The following COMMD9 variants were observed in gnomAD, a reference collection of about 807,000 sequenced individuals.
COMMD9 encodes COMM domain-containing protein 9.
A neutral mutation model predicts 23.4 loss-of-function variants in COMMD9; 22 were observed. That is an observed-to-expected ratio of 0.94 (90% CI 0.67 to 1.34). The LOEUF is 1.34. Ranked by LOEUF, COMMD9 falls within the 40% of genes most tolerant of loss-of-function variation. The probability of loss-of-function intolerance (pLI) is 0.00; values close to 1 mark genes in which losing one functional copy is unlikely to be tolerated. For missense variants in COMMD9, 231 were observed against 240.2 expected (o/e 0.96, Z 0.25); for synonymous variants, 99 against 97.4 (o/e 1.02, Z -0.10).
chr11:36,283,710 T>A (rs1456180526), intron 1 of COMMD9, among the ~76,000 whole-genome samples: 3 of 152,174 alleles, frequency 2.0e-5, no homozygotes, highest in Non-Finnish European at 4.4e-5. Flanking sequence ...CTTAACGCCC[T>A]AACATACAAA....
chr11:36,289,400 T>C lies in COMMD9; in HGVS notation c.13A>G (p.Thr5Ala), dbSNP rs763870163. MAAL[T>A]AEHFAALQSL... is the part of the protein sequence containing the mutation. ...TGGAGTGCTGCAAAATGCTCCGCTG[T>C]CAGGGCAGCCATCTTGCCGAAGTCA... The change falls in exon 1 of 6, where the codon ACA becomes GCA. Residue 5 changes from threonine to alanine, a missense_variant. By Grantham distance (58) the Thr-to-Ala change is moderately conservative. Coordinates refer to ENST00000263401, the MANE Select transcript of COMMD9 (RefSeq NM_014186.4). 4.5e-6 allele frequency: 7 copies of C among 1,551,924 alleles called. No homozygotes were observed. Among genetic ancestry groups the C allele is most frequent in the Non-Finnish European group, 6.1e-6 (7 of 1,147,202 alleles).
At chr11:36,280,539 C>A (rs1212487147) in intron 2 of COMMD9, among the ~76,000 whole-genome samples, 173 bp downstream of exon 2, 2 of 152,218 alleles carry the variant, frequency 1.3e-5, no homozygotes, top group Non-Finnish European at 2.9e-5. Context: ...AGAAAATGGT[C>A]AGGAGCTCTG....
chr11:36,288,356 G>GT (rs59908177), intron 1 of COMMD9, among the ~76,000 whole-genome samples: 3,165 of 126,814 alleles, frequency 0.025, 94 homozygotes, highest in African/African-American at 0.082. Context: ...TTCACCTGGT[G>GT]TTTAAAAAAA....
chr11:36,277,323 G>C (rs1283338334), intron 3 of COMMD9, among the ~76,000 whole-genome samples, 200 bp from the exon 4 acceptor site: 1 of 152,130 alleles, frequency 6.6e-6, no homozygotes, highest in African/African-American at 2.4e-5. Flanking sequence ...AAGGCCCTAA[G>C]TGTTGTCAGT....
chr11:36,286,406 AAAAAAAAGAAAG>A (rs1472592584), intron 1 of COMMD9, among the ~76,000 whole-genome samples: 2 of 87,082 alleles, frequency 2.3e-5, no homozygotes, highest in East Asian at 8.3e-4. Flanking sequence ...AAAAAAAAAA[AAAAAAAAGAAAG>A]AAAGAAAGAA....
intron 2 of COMMD9, among the ~76,000 whole-genome samples, chr11:36,279,630 C>T (rs7128260): frequency 0.17 from 26,103 of 152,226 alleles, 2,585 homozygotes; most frequent in South Asian, 0.3. Flanking sequence ...TCTTAACATC[C>T]TCTTTCATTG....
At chr11:36,277,185 T>C in intron 3 of COMMD9, 62 bp from the exon 4 acceptor site, 7 of 1,312,846 alleles carry the variant, frequency 5.3e-6, no homozygotes, top group Non-Finnish European at 7.4e-6. Flanking sequence ...ACTCTTCTGA[T>C]AGAGAGGGGA....
chr11:36,279,789 A>G (rs1856035082), intron 2 of COMMD9, among the ~76,000 whole-genome samples: 1 of 152,174 alleles, frequency 6.6e-6, no homozygotes, highest in African/African-American at 2.4e-5. Flanking sequence ...AGCTCACTTC[A>G]ATAAACAAGG....
chr11:36,274,593 G>A lies in COMMD9; in HGVS notation c.*39C>T, dbSNP rs370438899. 247 of 1,612,950 alleles carry A rather than the reference G, an allele frequency of 1.5e-4. No homozygotes were observed. The highest frequency in any genetic ancestry group is 2.0e-4 in the Non-Finnish European group (238 of 1,179,424). On this transcript the variant is annotated 3_prime_UTR_variant, in exon 6 of 6. Transcript: ENST00000263401. ...ATGGGGAGACATTTATCACTCATGA[G>A]CAGCTGGGTCATGGCAGTGGCCCTG...
Position 36,274,547 on chromosome 11 carries a change from A to G in COMMD9, c.*85T>C, listed in dbSNP as rs1327674818. 6.5e-7 allele frequency: 1 copy of G among 1,546,730 alleles called. No individual in the cohort carries two copies. The highest frequency in any genetic ancestry group is 8.9e-7 in the Non-Finnish European group (1 of 1,129,580). ...CACCATCCTGCCTGTTGTCAGCTGC[A>G]GCTGCAAGGGCAGCCTGCATATGGG... is the stretch of plus-strand genomic sequence containing the variant. On this transcript the variant is annotated 3_prime_UTR_variant, in exon 6 of 6. Transcript: ENST00000263401.
In COMMD9 at chr11:36,273,863, T is replaced by G. The variant is rs1855920990; in HGVS notation, c.*769A>C. The G allele has an allele frequency of 6.0e-6, 1 of 166,510 alleles. No individual in the cohort carries two copies. The highest frequency in any genetic ancestry group is 1.6e-4 in the South Asian group (1 of 6,360). The allele number at this position is 166,510 out of a possible 1,614,324, so 10.3% of individuals were successfully genotyped here. The stretch of plus-strand genomic sequence containing the variant: ...CATGTCACACCATGGGTCAAGGGCT[T>G]AGCTGGGAATTAGGAAGTTGGGATC... On this transcript the variant is annotated 3_prime_UTR_variant, in exon 6 of 6. Coordinates refer to ENST00000263401, the MANE Select transcript of COMMD9 (RefSeq NM_014186.4).
Position 36,276,147 on chromosome 11 carries a change from A to G in COMMD9, c.446T>C (p.Leu149Pro). The G allele has an allele frequency of 1.2e-6, 2 of 1,612,812 alleles. No individual in the cohort carries two copies. Among genetic ancestry groups the G allele is most frequent in the Non-Finnish European group, 1.7e-6 (2 of 1,178,842 alleles). The change falls in exon 5 of 6, where the codon CTC becomes CCC. Residue 149 changes from leucine (L) to proline (P), a missense_variant. Leu to Pro is a moderately conservative substitution (Grantham distance 98). Transcript: ENST00000263401. ...TGATAGTGAATGTACCTTCATCTGG[A>G]GCAGGCAGGTGGGGACGGCCATGCG... ...ISRMAVPTCL[L>P]QMKIQEDPSL...
intron 1 of COMMD9, among the ~76,000 whole-genome samples, chr11:36,282,341 T>C (rs1190840426): frequency 6.6e-6 from 1 of 151,966 alleles, no homozygotes; most frequent in African/African-American, 2.4e-5. Flanking sequence ...AAGAAATTCA[T>C]ACCCAGACAT....
chr11:36,288,154 G>A (rs988316717), intron 1 of COMMD9, among the ~76,000 whole-genome samples: 7 of 152,094 alleles, frequency 4.6e-5, no homozygotes, highest in African/African-American at 1.7e-4. Context: ...CACGTGCTGT[G>A]TGCCAGGTAT....
intron 1 of COMMD9, among the ~76,000 whole-genome samples, chr11:36,288,969 G>C (rs1856219728): frequency 6.6e-6 from 1 of 152,052 alleles, no homozygotes; most frequent in Admixed American, 6.5e-5. Context: ...AGGTCATTCG[G>C]AGGGCTGGGC....
intron 1 of COMMD9, among the ~76,000 whole-genome samples, chr11:36,283,791 T>C (rs1359071883): frequency 2.0e-5 from 3 of 152,150 alleles, no homozygotes; most frequent in African/African-American, 7.2e-5. Flanking sequence ...GGATTAAAAA[T>C]ATGACTCAAA....
chr11:36,272,780 C>T lies in COMMD9; in HGVS notation c.*1852G>A, dbSNP rs984375606. ...TCAACATTTTCCAAATGGCGCTAGT[C>T]ACAGAATTATATGTTCCTTGCAAAG... On this transcript the variant is annotated 3_prime_UTR_variant, in exon 6 of 6. Coordinates refer to ENST00000263401, the MANE Select transcript of COMMD9 (RefSeq NM_014186.4). 28 of 152,170 alleles carry T rather than the reference C, an allele frequency of 1.8e-4. No homozygotes were observed. Among genetic ancestry groups the T allele is most frequent in the African/African-American group, 6.3e-4 (26 of 41,432 alleles). 9.4% of individuals were successfully genotyped at this position (152,170 alleles called of 1,614,324 possible).
chr11:36,283,355 A>G (rs1856097830), intron 1 of COMMD9, among the ~76,000 whole-genome samples: 1 of 152,246 alleles, frequency 6.6e-6, no homozygotes, highest in South Asian at 2.1e-4. Flanking sequence ...TGAAGGCTGA[A>G]GCAAAAAATA....
chr11:36,289,290 C>T (rs1412097347), intron 1 of COMMD9, 72 bp downstream of exon 1: 2 of 1,447,224 alleles, frequency 1.4e-6, no homozygotes, highest in Non-Finnish European at 1.9e-6. Context: ...TCAATTTGTT[C>T]CCAATTCCTG....
Sources: allele counts gnomAD v4.1 joint callset (sites outside exome capture counted in the v4.1 genomes callset), GRCh38; gene constraint gnomAD v4.1.1; transcripts MANE v1.5; gene names NCBI Gene and HGNC (gene_info 2026-07-23, HGNC 2026-07-21).